Variants in ZNF763 observed in about 807,000 individuals in gnomAD.
ZNF763 encodes zinc finger protein 763, also known as DNA-binding protein.
In ZNF763, 33 loss-of-function variants were observed where a neutral mutation model predicts 38.0. The ratio of observed to expected loss-of-function variants is 0.87; its 90% CI spans 0.66 to 1.16. The LOEUF is 1.16. Among genes scored for constraint, ZNF763 ranks in the 50% most tolerant of loss-of-function variants. ZNF763 has a pLI of 0.00. For synonymous variants in ZNF763, 155 were observed against 160.1 expected, an observed-to-expected ratio of 0.97 and a Z score of 0.24; for missense variants, 423 against 469.1, an observed-to-expected ratio of 0.90 and a Z score of 0.91.
At chr19:11,974,068 C>CTT (rs1157449165) in intron 1 of ZNF763, among the ~76,000 whole-genome samples, 1 of 129,034 alleles carries the variant, frequency 7.7e-6, no homozygotes, top group Admixed American at 7.9e-5. Flanking sequence ...TTCCTTCTTT[C>CTT]TTTTCTTTCT....
intron 1 of ZNF763, among the ~76,000 whole-genome samples, chr19:11,973,692 G>T (rs1013295276): frequency 6.6e-6 from 1 of 151,948 alleles, no homozygotes; most frequent in African/African-American, 2.4e-5. Flanking sequence ...GACCAGCCTG[G>T]TAGATACAGT....
In ZNF763 at chr19:11,977,040, C is replaced by T. The variant is rs1308328813; in HGVS notation, c.6C>T (p.Asp2=). 1.5e-5 allele frequency: 25 copies of T among 1,614,036 alleles called. No individual in the cohort carries two copies. The highest frequency in any genetic ancestry group is 2.0e-5 in the Non-Finnish European group (24 of 1,180,030). M[D]PVACEDVAVN... The stretch of plus-strand genomic sequence containing the variant: ...TCTACACATGTGAGATGTTTCAGGA[C>T]CCTGTGGCCTGTGAGGATGTTGCTG... Residue 2 remains aspartate, a splice_region_variant and synonymous_variant, in exon 2 of 4, where the codon GAC becomes GAT. Transcript: ENST00000358987.
At position 11,979,087 on chromosome 19, in the gene ZNF763, C is replaced by T. The variant is rs376889281; in HGVS notation, c.1163C>T (p.Ala388Val). 2.4e-5 allele frequency: 38 copies of T among 1,613,910 alleles called. No homozygotes were observed. Among genetic ancestry groups the T allele is most frequent in the African/African-American group, 2.7e-5 (2 of 74,872 alleles). ...AAGTTTTCAAACACACCTAAGAATG[C>T]GCTCTGGAGAAAGACCTTATAAATG... ...SYKFSNTPKN[A>V]LWRKTL Residue 388 changes from alanine (A) to valine (V), a missense_variant, in exon 4 of 4, where the codon GCG (alanine) becomes GTG (valine). Ala to Val is a moderately conservative substitution (Grantham distance 64, BLOSUM62 0). Coordinates refer to ENST00000358987, the MANE Select transcript of ZNF763 (RefSeq NM_001367172.2).
intron 3 of ZNF763, 140 bp downstream of exon 3, chr19:11,977,571 A>G: frequency 8.9e-7 from 1 of 1,129,358 alleles, no homozygotes; most frequent in Non-Finnish European, 1.2e-6. Context: ...TCATATATTT[A>G]CATGTGACTA....
Position 11,979,812 on chromosome 19 carries a change from G to A in ZNF763, c.*703G>A, listed in dbSNP as rs1568312965. Reference sequence around the variant, plus strand: ...AAACCCTATGAGTGTAAGGAATGTGGGAAAGCCTTCAGATCTGCCAAGAAC... The same window carrying A: ...AAACCCTATGAGTGTAAGGAATGTGAGAAAGCCTTCAGATCTGCCAAGAAC... On this transcript the variant is annotated 3_prime_UTR_variant, in exon 4 of 4. Transcript: ENST00000358987. 6 of 1,572,534 alleles carry A rather than the reference G, an allele frequency of 3.8e-6. No homozygotes were observed. Among genetic ancestry groups the A allele is most frequent in the Non-Finnish European group, 5.2e-6 (6 of 1,145,312 alleles).
At chr19:11,977,965 TTGTAGAACA>T in intron 3 of ZNF763, 142 bp from the exon 4 acceptor site, 1 of 930,466 alleles carries the variant, frequency 1.1e-6, no homozygotes, top group South Asian at 1.7e-5. Context: ...CTATGTCACC[TTGTAGAACA>T]TGTTGTCCAT....
At chr19:11,967,944 T>G (rs1973271219) in intron 1 of ZNF763, among the ~76,000 whole-genome samples, 2 of 152,212 alleles carry the variant, frequency 1.3e-5, no homozygotes, top group Admixed American at 6.5e-5. Flanking sequence ...CACAAGTGCA[T>G]TAAAACATAA....
chr19:11,977,278 G>A, intron 2 of ZNF763, 93 bp from the exon 3 acceptor site: 1 of 1,603,716 alleles, frequency 6.2e-7, no homozygotes, highest in South Asian at 1.1e-5. Flanking sequence ...GAATAAATGA[G>A]GCATGGCTGC....
rs564825005 is a variant in ZNF763 at position 11,979,461 on chromosome 19, A to C, written c.*352A>C. On this transcript the variant is annotated 3_prime_UTR_variant, in exon 4 of 4. Transcript: ENST00000358987. Reference sequence around the variant, plus strand: ...ATACACTCTGGAGAAAGACCTTATAAATGTAAGACATGTGGGAAAGGCTTT... The same window carrying C: ...ATACACTCTGGAGAAAGACCTTATACATGTAAGACATGTGGGAAAGGCTTT... 3,686 of 1,605,636 alleles carry C rather than the reference A, an allele frequency of 2.3e-3. 5 individuals carry two copies. The highest frequency in any genetic ancestry group is 3.8e-3 in the Middle Eastern group (23 of 6,026).
chr19:11,979,464 G>T lies in ZNF763; in HGVS notation c.*355G>T. 6.2e-7 allele frequency: 1 copy of T among 1,604,862 alleles called. No individual in the cohort carries two copies. Among genetic ancestry groups the T allele is most frequent in the Non-Finnish European group, 8.5e-7 (1 of 1,174,162 alleles). ...CACTCTGGAGAAAGACCTTATAAAT[G>T]TAAGACATGTGGGAAAGGCTTTTAT... On this transcript the variant is annotated 3_prime_UTR_variant, in exon 4 of 4. Transcript: ENST00000358987.
intron 3 of ZNF763, among the ~76,000 whole-genome samples, chr19:11,977,639 G>C (rs911558161): frequency 6.6e-6 from 1 of 152,182 alleles, no homozygotes; most frequent in Non-Finnish European, 1.5e-5. Flanking sequence ...TAGGAGGATA[G>C]CTTGAGGCCA....
chr19:11,965,304 G>A (rs1177343053), intron 1 of ZNF763, 93 bp downstream of exon 1: 1 of 1,562,830 alleles, frequency 6.4e-7, no homozygotes, highest in African/African-American at 1.4e-5. Context: ...CTCCCTGCGG[G>A]CGACTCCAGG....
chr19:11,978,439 A>G lies in ZNF763; in HGVS notation c.515A>G (p.Tyr172Cys), dbSNP rs375529760. 13 of 1,614,104 alleles carry G rather than the reference A, an allele frequency of 8.1e-6. No individual in the cohort carries two copies. The highest frequency in any genetic ancestry group is 1.1e-5 in the Non-Finnish European group (13 of 1,180,036). The change falls in exon 4 of 4, where the codon TAT becomes TGT. Residue 172 changes from tyrosine to cysteine, a missense_variant. Physicochemically the swap from Tyr to Cys is radical, Grantham distance 194. Coordinates refer to ENST00000358987, the MANE Select transcript of ZNF763 (RefSeq NM_001367172.2). The part of the protein sequence containing the change: ...QERNHTGEKP[Y>C]ACKECGKTFI... ...AGGAATCACACCGGAGAGAAACCCTATGCTTGTAAAGAATGTGGAAAAACC... is the reference window on the plus strand; with the variant it reads ...AGGAATCACACCGGAGAGAAACCCTGTGCTTGTAAAGAATGTGGAAAAACC...
At chr19:11,965,427 C>T (rs768960563) in intron 1 of ZNF763, among the ~76,000 whole-genome samples, 9 of 152,230 alleles carry the variant, frequency 5.9e-5, no homozygotes, top group Non-Finnish European at 1.0e-4. Flanking sequence ...TGCGCGGTGA[C>T]TGCGGCCCCG....
At chr19:11,973,583 A>G (rs549132885) in intron 1 of ZNF763, among the ~76,000 whole-genome samples, 38 of 152,114 alleles carry the variant, frequency 2.5e-4, no homozygotes, top group Middle Eastern at 3.4e-3. Context: ...TTATTCACCT[A>G]TTGAAAGGCT....
chr19:11,974,812 A>C (rs1167501370), intron 1 of ZNF763, among the ~76,000 whole-genome samples: 3 of 152,148 alleles, frequency 2.0e-5, no homozygotes, highest in Non-Finnish European at 4.4e-5. Context: ...CATGTTGGCC[A>C]GGCTGATCTT....
At chr19:11,966,683 G>A (rs1328612034) in intron 1 of ZNF763, among the ~76,000 whole-genome samples, 1 of 152,148 alleles carries the variant, frequency 6.6e-6, no homozygotes, top group Non-Finnish European at 1.5e-5. Context: ...CGCAAGGTAT[G>A]TTTTTAAGTT....
In ZNF763 at chr19:11,979,766, G is replaced by A. The variant is rs923719931; in HGVS notation, c.*657G>A. The A allele has an allele frequency of 2.4e-5, 38 of 1,581,462 alleles. No individual in the cohort carries two copies. The highest frequency in any genetic ancestry group is 3.3e-5 in the Non-Finnish European group (38 of 1,154,246). ...ATCTGCCCCACACCTTCGAATCCATGGTAGAACTCACACTGGAGAGAAACC... is the reference window on the plus strand; with the variant it reads ...ATCTGCCCCACACCTTCGAATCCATAGTAGAACTCACACTGGAGAGAAACC... On this transcript the variant is annotated 3_prime_UTR_variant, in exon 4 of 4. Transcript: ENST00000358987.
intron 1 of ZNF763, among the ~76,000 whole-genome samples, chr19:11,974,134 C>CTTTCTTTCTTTCT (rs1973427306): frequency 1.0e-5 from 1 of 98,094 alleles, no homozygotes; most frequent in African/African-American, 5.3e-5. Context: ...TCTTTTCTTT[C>CTTTCTTTCTTTCT]TTTCTTTCTT....
Sources: gnomAD v4.1 joint callset for allele counts (sites outside exome capture counted in the v4.1 genomes callset) on GRCh38, gnomAD v4.1.1 for gene constraint, MANE v1.5 for transcripts, NCBI Gene and HGNC (gene_info 2026-07-23, HGNC 2026-07-21) for gene names.